CADM2: variants seen among roughly 807,000 people sequenced by gnomAD.
CADM2 encodes immunoglobulin superfamily member 4D.
Under a neutral mutation model 49.8 loss-of-function variants are expected in CADM2, and 12 were observed. That is an observed-to-expected ratio of 0.24 (90% CI 0.15 to 0.39). The LOEUF (loss-of-function observed/expected upper bound fraction) is 0.39. Ranked by LOEUF, CADM2 falls within the 10% of genes least tolerant of loss-of-function variation. The pLI, the probability that CADM2 is intolerant of heterozygous loss-of-function variation, is 1.00. For synonymous variants in CADM2, 214 were observed against 175.4 expected (o/e 1.22, Z -1.74); for missense variants, 378 against 492.3 (o/e 0.77, Z 2.20).
chr3:85,885,907 T>C (rs1433686240), intron 4 of CADM2, among the ~76,000 whole-genome samples: 1 of 151,252 alleles, frequency 6.6e-6, no homozygotes, highest in Non-Finnish European at 1.5e-5. Flanking sequence ...TTGAGCTATA[T>C]GCATCTTACA....
At chr3:85,007,982 GGATGGT>G (rs1479450540) in intron 1 of CADM2, among the ~76,000 whole-genome samples, 1 of 152,118 alleles carries the variant, frequency 6.6e-6, no homozygotes, top group East Asian at 1.9e-4. Context: ...GAGTAGAATT[GGATGGT>G]CCAGGAAGAG....
rs1416299706 is a variant in CADM2 at position 84,959,249 on chromosome 3, C to T, written c.-359C>T. 1.5e-5 allele frequency: 6 copies of T among 402,632 alleles called. No homozygotes were observed. Among genetic ancestry groups the T allele is most frequent in the South Asian group, 8.2e-5 (3 of 36,420 alleles). 24.9% of individuals were successfully genotyped at this position (402,632 alleles called of 1,614,324 possible). A position where few individuals can be genotyped will look rare whatever the true frequency, so the allele number is the denominator to read the frequency against. On this transcript the variant is annotated 5_prime_UTR_variant, in exon 1 of 10. Coordinates refer to ENST00000383699, the MANE Select transcript of CADM2 (RefSeq NM_001167675.2). ...CCCTCGCCCGCACCTTCTCCAACAC[C>T]CCGGCATCCCTGCACCACCTGCTCG...
chr3:85,530,833 T>G (rs2061289838), intron 1 of CADM2, among the ~76,000 whole-genome samples: 1 of 151,162 alleles, frequency 6.6e-6, no homozygotes, highest in African/African-American at 2.4e-5. Context: ...ATTAAAATTA[T>G]GTGGTCTTCA....
At chr3:85,359,607 C>G in intron 1 of CADM2, among the ~76,000 whole-genome samples, 1 of 123,448 alleles carries the variant, frequency 8.1e-6, no homozygotes, top group Non-Finnish European at 1.6e-5. Context: ...GATACTTTCT[C>G]TGATTATTTT....
chr3:85,771,509 C>G, intron 2 of CADM2, among the ~76,000 whole-genome samples: 1 of 152,002 alleles, frequency 6.6e-6, no homozygotes, highest in East Asian at 1.9e-4. Context: ...TCGTACTATA[C>G]TTAATATTTT....
chr3:85,446,680 G>A (rs557373197), intron 1 of CADM2, among the ~76,000 whole-genome samples: 1 of 142,330 alleles, frequency 7.0e-6, no homozygotes, highest in Non-Finnish European at 1.5e-5. Context: ...TCAGCTCACC[G>A]CAACCTCCCC....
intron 8 of CADM2, among the ~76,000 whole-genome samples, chr3:85,968,234 T>A (rs753035405): frequency 1.3e-5 from 2 of 151,672 alleles, no homozygotes; most frequent in Admixed American, 6.6e-5. Context: ...AGAGCTCTGA[T>A]GCCTGTAGGA....
intron 2 of CADM2, among the ~76,000 whole-genome samples, chr3:85,764,144 T>C (rs1369891080): frequency 6.6e-6 from 1 of 152,128 alleles, no homozygotes; most frequent in African/African-American, 2.4e-5. Context: ...ATCAAGTTTA[T>C]ATCTAATTTG....
intron 1 of CADM2, among the ~76,000 whole-genome samples, chr3:85,053,135 A>T (rs2107413539): frequency 6.6e-6 from 1 of 152,226 alleles, no homozygotes; most frequent in Admixed American, 6.5e-5. Context: ...TTGCCAAACT[A>T]GTAAAAAATT....
chr3:85,503,239 A>G (rs1407978776), intron 1 of CADM2, among the ~76,000 whole-genome samples: 3 of 152,174 alleles, frequency 2.0e-5, no homozygotes, highest in Non-Finnish European at 4.4e-5. Flanking sequence ...AAATATTTTG[A>G]TTTCTGAATT....
At chr3:85,725,898 T>A (rs957625614) in intron 1 of CADM2, among the ~76,000 whole-genome samples, 2 of 152,036 alleles carry the variant, frequency 1.3e-5, no homozygotes, top group Non-Finnish European at 2.9e-5. Context: ...AGGTAATATT[T>A]TACAGCACAG....
In CADM2 at chr3:85,547,432, A is replaced by C. The variant is rs529396495; in HGVS notation, c.62-179090A>C. Among the ~76,000 whole-genome samples the C allele has an allele frequency of 3.3e-5, 5 of 152,228 alleles. No individual in the cohort carries two copies. In the South Asian group the frequency reaches 6.2e-4, roughly 19 times the overall value. On this transcript the variant is annotated intron_variant, in intron 1 of 9. Coordinates refer to ENST00000383699, the MANE Select transcript of CADM2 (RefSeq NM_001167675.2). Reference sequence around the variant, plus strand: ...AATTACATATTGAAAATCCACTTGCAACATTTAATTATTCTGCAAGACTTG... The same window carrying C: ...AATTACATATTGAAAATCCACTTGCCACATTTAATTATTCTGCAAGACTTG...
chr3:85,216,568 CTT>C (rs1037516019), intron 1 of CADM2, among the ~76,000 whole-genome samples: 1 of 151,772 alleles, frequency 6.6e-6, no homozygotes, highest in African/African-American at 2.4e-5. Flanking sequence ...AATAAAGCTG[CTT>C]TTTCAGACTG....
intron 1 of CADM2, among the ~76,000 whole-genome samples, chr3:85,247,304 A>G (rs1201327474): frequency 2.0e-5 from 3 of 152,096 alleles, no homozygotes; most frequent in Admixed American, 1.3e-4. Context: ...ATTTACTCTA[A>G]CATTAGTGAT....
intron 2 of CADM2, among the ~76,000 whole-genome samples, chr3:85,729,730 TG>T (rs545241708): frequency 2.3e-4 from 35 of 152,204 alleles, no homozygotes; most frequent in Non-Finnish European, 7.3e-5. Flanking sequence ...CTTTACTCTC[TG>T]GGTCTATGAC....
At chr3:85,545,523 A>G (rs1167279439) in intron 1 of CADM2, among the ~76,000 whole-genome samples, 1 of 152,226 alleles carries the variant, frequency 6.6e-6, no homozygotes, top group African/African-American at 2.4e-5. Flanking sequence ...ATGAACTGAT[A>G]AACTGTATAC....
At chr3:85,358,760 G>C (rs887809924) in intron 1 of CADM2, among the ~76,000 whole-genome samples, 4 of 152,126 alleles carry the variant, frequency 2.6e-5, no homozygotes, top group African/African-American at 9.7e-5. Flanking sequence ...ACTGTGTACT[G>C]TTAATTGTAA....
At chr3:85,714,495 C>T (rs184927768) in intron 1 of CADM2, among the ~76,000 whole-genome samples, 27 of 151,852 alleles carry the variant, frequency 1.8e-4, no homozygotes, top group Admixed American at 3.3e-4. Flanking sequence ...GGTGGGATCT[C>T]GGCTCACTGC....
intron 2 of CADM2, among the ~76,000 whole-genome samples, chr3:85,777,579 A>G (rs1416606807): frequency 1.3e-5 from 2 of 152,084 alleles, no homozygotes; most frequent in East Asian, 3.9e-4. Context: ...TCAGGTTTTC[A>G]TGGTTGGTTC....
Sources: allele counts gnomAD v4.1 joint callset (sites outside exome capture counted in the v4.1 genomes callset), GRCh38; gene constraint gnomAD v4.1.1; transcripts MANE v1.5; gene names NCBI Gene and HGNC (gene_info 2026-07-23, HGNC 2026-07-21).